ARHGEF7: variants seen among roughly 807,000 people sequenced by gnomAD.
ARHGEF7 encodes the protein PAK-interacting exchange factor beta.
Under a neutral mutation model 109.8 loss-of-function variants are expected in ARHGEF7, and 33 were observed. The ratio of observed to expected loss-of-function variants is 0.30; its 90% CI spans 0.23 to 0.40. The LOEUF is 0.40. Among genes scored for constraint, ARHGEF7 ranks in the 10% least tolerant of loss-of-function variants. The pLI is 1.00. For missense variants in ARHGEF7, 938 were observed against 1,098.5 expected, an observed-to-expected ratio of 0.85 and a Z score of 2.07; for synonymous variants, 458 against 424.6, an observed-to-expected ratio of 1.08 and a Z score of -0.97.
chr13:111,156,455 C>T (rs1164367935), intron 2 of ARHGEF7, among the ~76,000 whole-genome samples: 3 of 152,226 alleles, frequency 2.0e-5, no homozygotes, highest in African/African-American at 7.2e-5. Flanking sequence ...GTGAGTCACA[C>T]TTGTAATTAC....
intron 8 of ARHGEF7, chr13:111,265,497 G>A (rs1423971053): frequency 4.4e-6 from 2 of 451,784 alleles, no homozygotes; most frequent in Non-Finnish European, 8.9e-6. Context: ...GTACTTAGCC[G>A]CGGAGCGGAA....
chr13:111,299,455 G>A (rs1242644854), intron 19 of ARHGEF7, among the ~76,000 whole-genome samples: 1 of 146,556 alleles, frequency 6.8e-6, no homozygotes, highest in Admixed American at 7.2e-5. Flanking sequence ...CCATTCTCCT[G>A]CCTCAGCCTC....
chr13:111,298,669 G>C, intron 19 of ARHGEF7, among the ~76,000 whole-genome samples: 1 of 152,324 alleles, frequency 6.6e-6, no homozygotes, highest in East Asian at 1.9e-4. Flanking sequence ...TCTTCTGTCC[G>C]AAAAGTTATT....
intron 5 of ARHGEF7, among the ~76,000 whole-genome samples, chr13:111,221,571 A>C (rs2084356694): frequency 1.3e-5 from 1 of 76,478 alleles, no homozygotes; most frequent in African/African-American, 4.0e-5. Flanking sequence ...ATATATATAG[A>C]TACATATCTA....
intron 2 of ARHGEF7, among the ~76,000 whole-genome samples, chr13:111,162,063 G>C (rs2076787488): frequency 6.6e-6 from 1 of 152,166 alleles, no homozygotes; most frequent in Admixed American, 6.5e-5. Context: ...GGCCAAAGGT[G>C]GGGGCTTTCA....
chr13:111,190,340 T>C (rs2079733233), intron 2 of ARHGEF7, among the ~76,000 whole-genome samples: 3 of 152,300 alleles, frequency 2.0e-5, no homozygotes, highest in African/African-American at 2.4e-5. Context: ...CAGAAGCCTT[T>C]TCCCGTAAAC....
intron 1 of ARHGEF7, 81 bp from the exon 2 acceptor site, chr13:111,153,823 CG>C (rs2076064853): frequency 1.3e-6 from 2 of 1,515,672 alleles, no homozygotes; most frequent in Admixed American, 4.3e-5. Flanking sequence ...GTTGGGAGCG[CG>C]GGCCGTGGGC....
chr13:111,203,156 T>C, intron 2 of ARHGEF7: 1 of 1,221,288 alleles, frequency 8.2e-7, no homozygotes, highest in Non-Finnish European at 1.1e-6. Flanking sequence ...TTTTGTAGTA[T>C]ACAAAATTGA....
chr13:111,194,966 C>T (rs1353730247), intron 2 of ARHGEF7, among the ~76,000 whole-genome samples: 1 of 152,224 alleles, frequency 6.6e-6, no homozygotes, highest in Admixed American at 6.5e-5. Context: ...AGAGGAATTA[C>T]TGCCTCATTG....
At chr13:111,296,116 C>T (rs1250332873) in intron 19 of ARHGEF7, among the ~76,000 whole-genome samples, 4 of 152,084 alleles carry the variant, frequency 2.6e-5, no homozygotes, top group South Asian at 2.1e-4. Context: ...AGCTGGCACT[C>T]GGGGCCCCAG....
intron 2 of ARHGEF7, among the ~76,000 whole-genome samples, chr13:111,191,461 A>T (rs1443428141): frequency 6.6e-6 from 1 of 152,214 alleles, no homozygotes; most frequent in Non-Finnish European, 1.5e-5. Flanking sequence ...TCTTGGTCTT[A>T]TCAGAGATGG....
rs184586375 is a variant in ARHGEF7, at chr13:111,133,098, A to G, written c.165+17407A>G. On this transcript the variant is annotated intron_variant, in intron 1 of 21. Transcript: ENST00000646102. ...TGTATATACACATGCATATATACAC[A>G]TATACATACATGCTATCTACACATT... 1.4e-4 allele frequency among the ~76,000 whole-genome samples: 21 copies of G among 152,254 alleles called. No individual in the cohort carries two copies. In the East Asian group the frequency reaches 4.0e-3, roughly 29 times the overall value.
chr13:111,245,257 C>G lies in ARHGEF7; in HGVS notation c.950+963C>G, dbSNP rs1172682133. Reference sequence around the variant, plus strand: ...CTGGCACAGACCACCAGACAGTGACCAGGACCTTTTTTTGGTGCAAGTTTG... The same window carrying G: ...CTGGCACAGACCACCAGACAGTGACGAGGACCTTTTTTTGGTGCAAGTTTG... On this transcript the variant is annotated intron_variant, in intron 8 of 21. Coordinates refer to ENST00000646102, the MANE Select transcript of ARHGEF7 (RefSeq NM_001354046.2). Among the ~76,000 whole-genome samples the G allele has an allele frequency of 3.9e-5, 6 of 152,128 alleles. No individual in the cohort carries two copies. In the East Asian group the frequency reaches 7.7e-4, roughly 20 times the overall value.
Position 111,115,669 on chromosome 13 carries a change from T to C in ARHGEF7, c.143T>C (p.Leu48Pro). Residue 48 changes from leucine to proline, a missense_variant, in exon 1 of 22, where the codon CTG (leucine) becomes CCG (proline). Leu to Pro is a moderately conservative substitution (Grantham distance 98). Transcript: ENST00000646102. ...GVVLCRLLER[L>P]LPGTIEKVYP... ...GTCCTCTGCAGGCTGCTGGAGCGCC[T>C]GCTCCCCGGGACCATCGAGAAAGTA... The C allele has an allele frequency of 7.6e-7, 1 of 1,309,450 alleles. No individual in the cohort carries two copies. The highest frequency in any genetic ancestry group is 9.8e-7 in the Non-Finnish European group (1 of 1,021,746). The allele number at this position is 1,309,450 out of a possible 1,614,324, so 81.1% of individuals were successfully genotyped here.
chr13:111,297,400 A>G (rs1023624837), intron 19 of ARHGEF7, among the ~76,000 whole-genome samples: 2 of 152,212 alleles, frequency 1.3e-5, no homozygotes, highest in Admixed American at 1.3e-4. Flanking sequence ...GTATCCCTAA[A>G]TCCTTCTCGC....
At chr13:111,121,115 G>C (rs2067171511) in intron 1 of ARHGEF7, among the ~76,000 whole-genome samples, 1 of 152,202 alleles carries the variant, frequency 6.6e-6, no homozygotes, top group Non-Finnish European at 1.5e-5. Context: ...GGAGCCCTCA[G>C]GAGTGCCTGG....
intron 1 of ARHGEF7, among the ~76,000 whole-genome samples, chr13:111,140,826 A>G (rs1245542925): frequency 2.6e-5 from 4 of 151,956 alleles, no homozygotes; most frequent in Non-Finnish European, 5.9e-5. Flanking sequence ...ACTACAGCAT[A>G]CGTCACCATG....
At chr13:111,244,083 C>A in intron 7 of ARHGEF7, 116 bp from the exon 8 acceptor site, 1 of 1,196,824 alleles carries the variant, frequency 8.4e-7, no homozygotes, top group Middle Eastern at 2.0e-4. Context: ...TACCAGTTTG[C>A]CTTAGACATC....
chr13:111,184,714 G>A (rs2079080018), intron 2 of ARHGEF7, among the ~76,000 whole-genome samples: 1 of 152,168 alleles, frequency 6.6e-6, no homozygotes, highest in Non-Finnish European at 1.5e-5. Context: ...TTCCTATCAG[G>A]TGTGGCCTTG....
Sources: allele counts gnomAD v4.1 joint callset (sites outside exome capture counted in the v4.1 genomes callset), GRCh38; gene constraint gnomAD v4.1.1; transcripts MANE v1.5; gene names NCBI Gene and HGNC (gene_info 2026-07-23, HGNC 2026-07-21).